FBXL17: variants seen among roughly 807,000 people sequenced by gnomAD.
FBXL17 encodes the protein F-box/LRR-repeat protein 17.
In FBXL17, 22 loss-of-function variants were observed where a neutral mutation model predicts 66.2. The observed-to-expected ratio is 0.33, with a 90% CI of 0.24 to 0.47. FBXL17 has a LOEUF of 0.47. Ranked by LOEUF, FBXL17 falls within the 20% of genes least tolerant of loss-of-function variation. The pLI is 1.00. For missense variants in FBXL17, 878 were observed against 948.2 expected, an observed-to-expected ratio of 0.93 and a Z score of 0.97; for synonymous variants, 474 against 400.5, an observed-to-expected ratio of 1.18 and a Z score of -2.19.
chr5:108,015,863 A>T (rs997243402), intron 7 of FBXL17, among the ~76,000 whole-genome samples: 1 of 152,168 alleles, frequency 6.6e-6, no homozygotes, highest in Non-Finnish European at 1.5e-5. Context: ...GGTTACACCA[A>T]AACGATGAAT....
At chr5:108,319,434 T>G (rs879719152) in intron 4 of FBXL17, among the ~76,000 whole-genome samples, 2 of 151,898 alleles carry the variant, frequency 1.3e-5, no homozygotes, top group African/African-American at 2.4e-5. Flanking sequence ...TAATGAATTT[T>G]AACTATGCAC....
At position 108,224,179 on chromosome 5, in the gene FBXL17, T is replaced by C; in HGVS notation, c.1556A>G (p.Gln519Arg). 4 of 1,611,916 alleles carry C rather than the reference T, an allele frequency of 2.5e-6. No individual in the cohort carries two copies. Among genetic ancestry groups the C allele is most frequent in the Non-Finnish European group, 3.4e-6 (4 of 1,178,716 alleles). ...KAFAEHCPEL[Q>R]YVGFMGCSVT... is the part of the protein sequence containing the mutation. ...TGAACAACCCATGAAGCCTACATATTGAAGCTCAGGACAGTGTTCAGCAAA... is the reference window on the plus strand; with the variant it reads ...TGAACAACCCATGAAGCCTACATATCGAAGCTCAGGACAGTGTTCAGCAAA... Residue 519 changes from glutamine (Q) to arginine (R), a missense_variant, in exon 5 of 9, where the codon CAA (glutamine) becomes CGA (arginine). Transcript: ENST00000542267.
chr5:107,948,253 T>C (rs11739536), intron 7 of FBXL17, among the ~76,000 whole-genome samples: 58,014 of 152,122 alleles, frequency 0.38, 11,936 homozygotes, highest in Non-Finnish European at 0.46. Flanking sequence ...CTCACTTTTT[T>C]CTGAGTATTT....
At chr5:108,348,212 C>T (rs1018060223) in intron 4 of FBXL17, among the ~76,000 whole-genome samples, 187 bp downstream of exon 4, 6 of 152,330 alleles carry the variant, frequency 3.9e-5, no homozygotes, top group Admixed American at 3.9e-4. Context: ...AAGTACCACA[C>T]ACAAACACCA....
chr5:108,120,858 G>C (rs1236463740), intron 6 of FBXL17, among the ~76,000 whole-genome samples: 2 of 152,030 alleles, frequency 1.3e-5, no homozygotes, highest in Non-Finnish European at 2.9e-5. Context: ...AATAGTGCCT[G>C]GAAGCACTCA....
At chr5:107,991,572 G>T (rs878967516) in intron 7 of FBXL17, among the ~76,000 whole-genome samples, 31 of 152,278 alleles carry the variant, frequency 2.0e-4, no homozygotes, top group African/African-American at 7.2e-4. Flanking sequence ...GGAGTGTCAG[G>T]AAGAAAGATT....
chr5:108,346,548 T>C (rs1455768662), intron 4 of FBXL17, among the ~76,000 whole-genome samples: 5 of 152,064 alleles, frequency 3.3e-5, no homozygotes, highest in Non-Finnish European at 7.4e-5. Context: ...TCAACAAATA[T>C]CCTACTGCTT....
chr5:107,946,253 TTTTATA>T (rs1751273626), intron 7 of FBXL17, among the ~76,000 whole-genome samples: 2 of 63,490 alleles, frequency 3.2e-5, no homozygotes, highest in African/African-American at 1.2e-4. Flanking sequence ...ATCAATCTCA[TTTTATA>T]TATATATATA....
intron 4 of FBXL17, among the ~76,000 whole-genome samples, chr5:108,236,129 T>C (rs1755590621): frequency 6.6e-6 from 1 of 152,182 alleles, no homozygotes; most frequent in South Asian, 2.1e-4. Context: ...TAGAATCACT[T>C]GAGCCCAGAG....
At position 107,958,680 on chromosome 5, in the gene FBXL17, G is replaced by A. The variant is rs557882254; in HGVS notation, c.1822+62245C>T. The stretch of plus-strand genomic sequence containing the variant: ...ACATGTATATAGGTGCTCCTGGCAT[G>A]CCCCTAAAACAACAGTTTCTTCTTC... On this transcript the variant is annotated intron_variant, in intron 7 of 8. Transcript: ENST00000542267. Among the ~76,000 whole-genome samples, 3 of 152,260 alleles carry A rather than the reference G, an allele frequency of 2.0e-5. No individual in the cohort carries two copies. In the East Asian group the frequency reaches 5.8e-4, roughly 29 times the overall value.
chr5:107,965,259 C>A (rs1752078341), intron 7 of FBXL17, among the ~76,000 whole-genome samples: 1 of 152,022 alleles, frequency 6.6e-6, no homozygotes, highest in Admixed American at 6.6e-5. Flanking sequence ...TGTAGTTTTT[C>A]TACACAAAGA....
intron 6 of FBXL17, among the ~76,000 whole-genome samples, chr5:108,060,520 A>G (rs895462226): frequency 1.3e-5 from 2 of 152,138 alleles, no homozygotes; most frequent in African/African-American, 4.8e-5. Context: ...ATCTCTTATC[A>G]AGTAGTACTC....
intron 7 of FBXL17, among the ~76,000 whole-genome samples, chr5:107,907,597 A>G (rs1246073007): frequency 3.9e-5 from 6 of 152,304 alleles, no homozygotes; most frequent in African/African-American, 1.4e-4. Flanking sequence ...CAAATTTACA[A>G]GAAAAAAACA....
chr5:108,223,165 C>T (rs1452638735), intron 5 of FBXL17, among the ~76,000 whole-genome samples: 2 of 152,128 alleles, frequency 1.3e-5, no homozygotes, highest in African/African-American at 2.4e-5. Flanking sequence ...CTGTATGATC[C>T]TACCATAGTC....
At chr5:107,895,009 C>T (rs1256770330) in intron 7 of FBXL17, among the ~76,000 whole-genome samples, 3 of 151,996 alleles carry the variant, frequency 2.0e-5, no homozygotes, top group African/African-American at 7.2e-5. Flanking sequence ...TCCCTTTTCC[C>T]TCTTCCTCCT....
chr5:108,191,028 G>C (rs1442329330), intron 5 of FBXL17, among the ~76,000 whole-genome samples: 1 of 152,078 alleles, frequency 6.6e-6, no homozygotes, highest in Non-Finnish European at 1.5e-5. Context: ...GGACCCATAG[G>C]GCTGCCTGTA....
chr5:107,999,973 C>G (rs10515382), intron 7 of FBXL17, among the ~76,000 whole-genome samples: 1 of 152,128 alleles, frequency 6.6e-6, no homozygotes, highest in Admixed American at 6.5e-5. Flanking sequence ...TGGGTAGAAA[C>G]TAGGAAATCC....
intron 7 of FBXL17, among the ~76,000 whole-genome samples, chr5:107,930,061 T>C (rs1384635157): frequency 6.6e-6 from 1 of 152,172 alleles, no homozygotes. Flanking sequence ...ACCTGGTCTT[T>C]TTCCTATCCC....
At chr5:108,243,139 G>C (rs1755935835) in intron 4 of FBXL17, among the ~76,000 whole-genome samples, 1 of 152,162 alleles carries the variant, frequency 6.6e-6, no homozygotes, top group Admixed American at 6.5e-5. Flanking sequence ...AAAAGAGATT[G>C]ATAAGTTATG....
Sources: gnomAD v4.1 joint callset for allele counts (sites outside exome capture counted in the v4.1 genomes callset) on GRCh38, gnomAD v4.1.1 for gene constraint, MANE v1.5 for transcripts, NCBI Gene and HGNC (gene_info 2026-07-23, HGNC 2026-07-21) for gene names.